FNTB: variants seen among roughly 807,000 people sequenced by gnomAD.
The protein encoded by FNTB is protein farnesyltransferase subunit beta.
In FNTB, 27 loss-of-function variants were observed where a neutral mutation model predicts 59.4. The observed-to-expected ratio is 0.45, with a 90% CI of 0.34 to 0.63. FNTB has a LOEUF of 0.63. Among genes scored for constraint, FNTB ranks in the 20% least tolerant of loss-of-function variants. The pLI is 0.02. For synonymous variants in FNTB, 230 were observed against 220.7 expected (o/e 1.04, Z -0.37); for missense variants, 449 against 559.6 (o/e 0.80, Z 1.99).
intron 4 of FNTB, among the ~76,000 whole-genome samples, chr14:65,025,758 G>A (rs1256971485): frequency 3.3e-5 from 5 of 152,180 alleles, no homozygotes; most frequent in African/African-American, 1.2e-4. Context: ...TGAGGCTGCA[G>A]TGAGCCGTGA....
Position 65,040,400 on chromosome 14 carries a change from T to A in FNTB, c.693-390T>A, listed in dbSNP as rs572665744. Among the ~76,000 whole-genome samples, 75 of 151,674 alleles carry A rather than the reference T, an allele frequency of 4.9e-4. 4 individuals are homozygous for A. The South Asian group carries it at 9.8e-3, about 20-fold the overall frequency. On this transcript the variant is annotated intron_variant, in intron 7 of 11. Coordinates refer to ENST00000246166, the MANE Select transcript of FNTB (RefSeq NM_002028.4). ...TATTATGTTTCTTACACAAGTAGGC[T>A]GTTTCTAAGTGTCTGGGTTTTTAAC...
intron 1 of FNTB, among the ~76,000 whole-genome samples, chr14:64,992,408 C>G (rs1566859789): frequency 1.3e-5 from 2 of 152,160 alleles, no homozygotes; most frequent in Non-Finnish European, 2.9e-5. Flanking sequence ...TGCTGGTTTT[C>G]CTCCTCTTCT....
chr14:65,013,824 A>G (rs1400621803), intron 3 of FNTB, among the ~76,000 whole-genome samples: 1 of 152,252 alleles, frequency 6.6e-6, no homozygotes, highest in Non-Finnish European at 1.5e-5. Context: ...CTGGGGTTAC[A>G]GGCGTGAGCT....
At chr14:65,049,718 A>G (rs900986841) in intron 9 of FNTB, among the ~76,000 whole-genome samples, 3 of 152,182 alleles carry the variant, frequency 2.0e-5, no homozygotes, top group African/African-American at 7.2e-5. Flanking sequence ...GTTATAGGAT[A>G]TGAAATATAT....
rs557019469 is a variant in FNTB, at chr14:65,015,220, G to A, written c.283-405G>A. On this transcript the variant is annotated intron_variant, in intron 3 of 11. Coordinates refer to ENST00000246166, the MANE Select transcript of FNTB (RefSeq NM_002028.4). ...CGGGTTCAAGTGATTCTCCTGCTTC[G>A]GCCTCCCAAGTCGCTGGGATTACAG... Among the ~76,000 whole-genome samples the A allele has an allele frequency of 4.2e-4, 63 of 150,740 alleles. 1 individual carries two copies. Among genetic ancestry groups the A allele is most frequent in the African/African-American group, 1.3e-3 (54 of 41,092 alleles).
Position 65,028,826 on chromosome 14 carries a change from G to A in FNTB, c.605+1045G>A, listed in dbSNP as rs778596196. On this transcript the variant is annotated intron_variant, in intron 6 of 11. Coordinates refer to ENST00000246166, the MANE Select transcript of FNTB (RefSeq NM_002028.4). The surrounding 1 kb of genome is among the most constrained non-coding windows in gnomAD (Gnocchi z 4.4). ...AATGTTAAAAGAGTTTTTTTCCCTC[G>A]TGTTCACTACATTTTCGTTCCTGTT... 4.6e-5 allele frequency among the ~76,000 whole-genome samples: 7 copies of A among 152,010 alleles called. No homozygotes were observed. The highest frequency in any genetic ancestry group is 9.7e-5 in the African/African-American group (4 of 41,384).
chr14:65,024,168 C>G (rs2061938532), intron 4 of FNTB, among the ~76,000 whole-genome samples: 1 of 151,666 alleles, frequency 6.6e-6, no homozygotes, highest in South Asian at 2.1e-4. Context: ...TGCAGTTTAG[C>G]AAGATCCACA....
intron 9 of FNTB, among the ~76,000 whole-genome samples, chr14:65,052,663 TATG>T (rs2062642413): frequency 6.6e-6 from 1 of 152,300 alleles, no homozygotes; most frequent in South Asian, 2.1e-4. Flanking sequence ...TAGGGTATCA[TATG>T]ATGCAGGAGG....
At chr14:64,998,876 A>G (rs1888499653) in intron 1 of FNTB, among the ~76,000 whole-genome samples, 2 of 152,208 alleles carry the variant, frequency 1.3e-5, no homozygotes, top group Admixed American at 1.3e-4. Context: ...TATGACTCAT[A>G]GCAGCATTAT....
intron 1 of FNTB, among the ~76,000 whole-genome samples, 170 bp from the exon 2 acceptor site, chr14:65,004,079 C>T (rs144539339): frequency 1.3e-5 from 2 of 152,332 alleles, no homozygotes; most frequent in African/African-American, 2.4e-5. Context: ...GATTCCCTCT[C>T]GCCTTGTCCT....
chr14:65,053,908 A>G (rs1018238397), intron 10 of FNTB, among the ~76,000 whole-genome samples: 1 of 152,138 alleles, frequency 6.6e-6, no homozygotes, highest in Non-Finnish European at 1.5e-5. Flanking sequence ...GATGTGGCCC[A>G]TTTCTAGATA....
intron 4 of FNTB, among the ~76,000 whole-genome samples, chr14:65,026,608 C>T (rs113322249): frequency 0.035 from 5,263 of 152,216 alleles, 122 homozygotes; most frequent in Non-Finnish European, 0.056. Flanking sequence ...ACCTGTAATC[C>T]CAGCACTTGC....
In FNTB at chr14:64,994,759, T is replaced by C. The variant is rs954682085; in HGVS notation, c.144+7662T>C. 1.3e-5 allele frequency among the ~76,000 whole-genome samples: 2 copies of C among 152,072 alleles called. No homozygotes were observed. The highest frequency in any genetic ancestry group is 2.4e-5 in the African/African-American group (1 of 41,382). ...TGAATGTGAAGCCCTAGGATATGAGTGTACACTACTGTAGACTTTATAAAC... is the reference window on the plus strand; with the variant it reads ...TGAATGTGAAGCCCTAGGATATGAGCGTACACTACTGTAGACTTTATAAAC... On this transcript the variant is annotated intron_variant, in intron 1 of 11. Transcript: ENST00000246166. This position sits in a 1 kb window ranked among gnomAD's most constrained non-coding sequence, Gnocchi z 4.2.
chr14:65,016,483 T>C (rs964958111), intron 4 of FNTB: 5 of 152,234 alleles, frequency 3.3e-5, no homozygotes, highest in Admixed American at 6.5e-5. Context: ...CTTCCTCTGG[T>C]GCTCTTGAGG....
chr14:65,000,592 C>T (rs531967746), intron 1 of FNTB, among the ~76,000 whole-genome samples: 2 of 151,758 alleles, frequency 1.3e-5, no homozygotes, highest in East Asian at 1.9e-4. Context: ...AGGCTGAGAC[C>T]GGCAGATCAC....
chr14:65,001,086 C>T lies in FNTB; in HGVS notation c.145-3163C>T, dbSNP rs1006756888. On this transcript the variant is annotated intron_variant, in intron 1 of 11. Coordinates refer to ENST00000246166, the MANE Select transcript of FNTB (RefSeq NM_002028.4). This position sits in a 1 kb window ranked among gnomAD's most constrained non-coding sequence, Gnocchi z 5.5. Reference sequence around the variant, plus strand: ...AGTCCTATACTTGGTCTCTCTGGGCCTGATAAATTTTGCATACCTCACATA... The same window carrying T: ...AGTCCTATACTTGGTCTCTCTGGGCTTGATAAATTTTGCATACCTCACATA... Among the ~76,000 whole-genome samples, 3 of 152,024 alleles carry T rather than the reference C, an allele frequency of 2.0e-5. No individual in the cohort carries two copies. The highest frequency in any genetic ancestry group is 1.3e-4 in the Admixed American group (2 of 15,264).
chr14:65,041,288 T>C (rs552725259), intron 8 of FNTB, among the ~76,000 whole-genome samples: 2 of 152,216 alleles, frequency 1.3e-5, no homozygotes, highest in Non-Finnish European at 2.9e-5. Context: ...AACCAAACTT[T>C]TATTACCTGC....
chr14:65,054,507 G>A lies in FNTB; in HGVS notation c.1068-68G>A. 2 of 1,481,694 alleles carry A rather than the reference G, an allele frequency of 1.3e-6. No homozygotes were observed. The highest frequency in any genetic ancestry group is 1.8e-6 in the Non-Finnish European group (2 of 1,083,332). The allele number at this position is 1,481,694 out of a possible 1,614,324, so 91.8% of individuals were successfully genotyped here. On this transcript the variant is annotated intron_variant, in intron 10 of 11. Coordinates refer to ENST00000246166, the MANE Select transcript of FNTB (RefSeq NM_002028.4). This position sits in a 1 kb window ranked among gnomAD's most constrained non-coding sequence, Gnocchi z 4.4. ...TGATTGCACCAGTGGTCTCTGAATT[G>A]GTGTGGCTACATTTGTAGATGTGTG...
chr14:65,040,869 G>A lies in FNTB; in HGVS notation c.772G>A (p.Ala258Thr), dbSNP rs771996889. The A allele has an allele frequency of 1.2e-5, 19 of 1,613,882 alleles. No homozygotes were observed. The highest frequency in any genetic ancestry group is 3.3e-5 in the Admixed American group (2 of 59,988). Residue 258 changes from alanine to threonine, a missense_variant, in exon 8 of 12, where the codon GCG becomes ACG. Transcript: ENST00000246166. ...HGGYTFCGLA[A>T]LVILKRERSL... ...TGGCTATACCTTCTGTGGCCTGGCC[G>A]CGCTGGTAATCCTCAAGAGGGAACG...
Sources: gnomAD v4.1 joint callset for allele counts (sites outside exome capture counted in the v4.1 genomes callset) on GRCh38, gnomAD v4.1.1 for gene constraint, Gnocchi (gnomAD v3.1) non-coding constraint, MANE v1.5 for transcripts, NCBI Gene and HGNC (gene_info 2026-07-23, HGNC 2026-07-21) for gene names.